DNAH9: variants seen among roughly 807,000 people sequenced by gnomAD.
The protein encoded by DNAH9 is DNAH9 variant protein.
Under a neutral mutation model 471.6 loss-of-function variants are expected in DNAH9, and 345 were observed. That is an observed-to-expected ratio of 0.73 (90% CI 0.67 to 0.80). DNAH9 has a LOEUF of 0.80. Among genes scored for constraint, DNAH9 ranks in the 30% least tolerant of loss-of-function variants. The pLI is 0.00. For synonymous variants in DNAH9, 2,093 were observed against 2,123.6 expected (o/e 0.99, Z 0.40); for missense variants, 5,407 against 5,609.2 (o/e 0.96, Z 1.15).
At chr17:11,716,828 G>A (rs1165093428) in intron 26 of DNAH9, among the ~76,000 whole-genome samples, 1 of 152,190 alleles carries the variant, frequency 6.6e-6, no homozygotes, top group Non-Finnish European at 1.5e-5. Flanking sequence ...GAGGTGAGTT[G>A]TCAGGGATTG....
Position 11,932,025 on chromosome 17 carries a change from G to C in DNAH9, c.12117G>C (p.Glu4039Asp), listed in dbSNP as rs771807905. The C allele has an allele frequency of 6.2e-7, 1 of 1,614,168 alleles. No individual in the cohort carries two copies. The highest frequency in any genetic ancestry group is 8.5e-7 in the Non-Finnish European group (1 of 1,180,014). The change falls in exon 64 of 69, where the codon GAG becomes GAC. Residue 4039 changes from glutamate (E) to aspartate (D), a missense_variant. Glu to Asp is a conservative substitution (Grantham distance 45). Transcript: ENST00000262442. This position sits in a 1 kb window ranked among gnomAD's most constrained non-coding sequence, Gnocchi z 4.3. The stretch of plus-strand genomic sequence containing the variant: ...CACTCTCATTTCAGGACACTCTGGA[G>C]ATGTGTTCTCGGGAGACGGAGTTTA... ...ALDNFTQDTL[E>D]MCSRETEFKS...
At chr17:11,877,073 C>G (rs1555613655) in intron 53 of DNAH9, among the ~76,000 whole-genome samples, 1 of 151,858 alleles carries the variant, frequency 6.6e-6, no homozygotes, top group Non-Finnish European at 1.5e-5. Context: ...GGATGCACAA[C>G]AGTGTACTTA....
chr17:11,862,260 C>T (rs1423822354), intron 50 of DNAH9, among the ~76,000 whole-genome samples: 1 of 125,696 alleles, frequency 8.0e-6, no homozygotes, highest in Non-Finnish European at 1.7e-5. Context: ...TTCCCAGCAC[C>T]ATTTATTAAA....
Position 11,807,784 on chromosome 17 carries a change from G to C in DNAH9, c.8473G>C (p.Gly2825Arg). The change falls in exon 44 of 69, where the codon GGT (glycine) becomes CGT (arginine). Residue 2825 changes from glycine to arginine, a missense_variant. Gly to Arg is a moderately radical substitution (Grantham distance 125). Coordinates refer to ENST00000262442, the MANE Select transcript of DNAH9 (RefSeq NM_001372.4). The stretch of plus-strand genomic sequence containing the variant: ...CCCGCGGGGAAATGCTCTGCTGGTT[G>C]GTGTAGGTGGGAGCGGCAAGCAGAG... ...ESPRGNALLV[G>R]VGGSGKQSLT... The C allele has an allele frequency of 6.2e-7, 1 of 1,613,912 alleles. No homozygotes were observed. The highest frequency in any genetic ancestry group is 2.2e-5 in the East Asian group (1 of 44,872).
At chr17:11,809,873 A>T (rs1467007426) in intron 44 of DNAH9, among the ~76,000 whole-genome samples, 6 of 152,154 alleles carry the variant, frequency 3.9e-5, no homozygotes, top group African/African-American at 1.4e-4. Context: ...TAAGACAGAT[A>T]AATGGGGGAC....
intron 35 of DNAH9, among the ~76,000 whole-genome samples, chr17:11,761,783 C>A (rs537204611): frequency 6.6e-6 from 1 of 152,256 alleles, no homozygotes; most frequent in African/African-American, 2.4e-5. Context: ...AAAGCAGCTA[C>A]CTTCCCTGTG....
chr17:11,647,553 T>A (rs1326830829), intron 12 of DNAH9, among the ~76,000 whole-genome samples: 2 of 152,212 alleles, frequency 1.3e-5, no homozygotes, highest in Non-Finnish European at 2.9e-5. Context: ...GCTTCAATTT[T>A]GCACAACAGG....
At chr17:11,807,672 C>T in intron 43 of DNAH9, 60 bp from the exon 44 acceptor site, 3 of 1,545,418 alleles carry the variant, frequency 1.9e-6, no homozygotes, top group Non-Finnish European at 2.6e-6. Context: ...AGCCTTTATA[C>T]ATGCTTCTGA....
At chr17:11,697,912 A>G (rs1286676937) in intron 22 of DNAH9, among the ~76,000 whole-genome samples, 3 of 151,494 alleles carry the variant, frequency 2.0e-5, no homozygotes, top group African/African-American at 4.8e-5. Flanking sequence ...TATAGACTTC[A>G]TGTTTCTTTA....
At chr17:11,641,678 G>A (rs1455127694) in intron 10 of DNAH9, among the ~76,000 whole-genome samples, 2 of 152,088 alleles carry the variant, frequency 1.3e-5, no homozygotes, top group African/African-American at 4.8e-5. Flanking sequence ...TCACGCAGCA[G>A]AAGGCAGAAG....
At chr17:11,897,924 A>G (rs1973269815) in intron 59 of DNAH9, among the ~76,000 whole-genome samples, 1 of 152,172 alleles carries the variant, frequency 6.6e-6, no homozygotes, top group South Asian at 2.1e-4. Context: ...GCTGAAATTA[A>G]GGTGTCAGCA....
At chr17:11,635,678 C>A (rs1206038211) in intron 8 of DNAH9, among the ~76,000 whole-genome samples, 1 of 152,046 alleles carries the variant, frequency 6.6e-6, no homozygotes, top group Non-Finnish European at 1.5e-5. Flanking sequence ...TCCTACATGG[C>A]CTCATCTCAG....
At chr17:11,764,608 A>ATTTG (rs950225291) in intron 36 of DNAH9, among the ~76,000 whole-genome samples, 1 of 152,048 alleles carries the variant, frequency 6.6e-6, no homozygotes, top group African/African-American at 2.4e-5. Flanking sequence ...CATGTAAGTG[A>ATTTG]TATCATGTCA....
At chr17:11,792,099 A>G (rs969807307) in intron 41 of DNAH9, among the ~76,000 whole-genome samples, 3 of 151,920 alleles carry the variant, frequency 2.0e-5, no homozygotes, top group Admixed American at 6.6e-5. Context: ...CTGACCAACA[A>G]TGAGAAACCC....
chr17:11,947,443 C>T (rs925410810), intron 67 of DNAH9, among the ~76,000 whole-genome samples: 2 of 152,172 alleles, frequency 1.3e-5, no homozygotes, highest in African/African-American at 4.8e-5. Context: ...CAGGTGCCTA[C>T]TGAGCCTTGA....
intron 1 of DNAH9, among the ~76,000 whole-genome samples, chr17:11,603,043 A>C (rs555223241): frequency 1.2e-4 from 18 of 152,248 alleles, no homozygotes; most frequent in Middle Eastern, 3.4e-3. Flanking sequence ...CTCCTGATGT[A>C]CTGGCCTCTA....
At chr17:11,884,509 C>G in intron 56 of DNAH9, 1 of 454,500 alleles carries the variant, frequency 2.2e-6, no homozygotes, top group South Asian at 1.6e-5. Context: ...AACAATATAC[C>G]TTTGACGGAA....
intron 26 of DNAH9, among the ~76,000 whole-genome samples, chr17:11,718,193 C>G (rs1210106192): frequency 6.6e-6 from 1 of 152,184 alleles, no homozygotes; most frequent in African/African-American, 2.4e-5. Flanking sequence ...CATACAAACT[C>G]CCGTATCTGG....
rs1432843363 is a variant in DNAH9 at position 11,820,445 on chromosome 17, C to G, written c.8708-1475C>G. Among the ~76,000 whole-genome samples the G allele has an allele frequency of 2.6e-5, 4 of 152,082 alleles. No individual in the cohort carries two copies. In the East Asian group the frequency reaches 7.7e-4, roughly 29 times the overall value. ...AAGGTGTAGTTTTAATATACATTTTCATTAAGAGTAAGATTGACTGTCCTT... is the reference window on the plus strand; with the variant it reads ...AAGGTGTAGTTTTAATATACATTTTGATTAAGAGTAAGATTGACTGTCCTT... On this transcript the variant is annotated intron_variant, in intron 45 of 68. Coordinates refer to ENST00000262442, the MANE Select transcript of DNAH9 (RefSeq NM_001372.4).
Sources: allele counts gnomAD v4.1 joint callset (sites outside exome capture counted in the v4.1 genomes callset), GRCh38; gene constraint gnomAD v4.1.1; non-coding constraint Gnocchi (gnomAD v3.1); transcripts MANE v1.5; gene names NCBI Gene and HGNC (gene_info 2026-07-23, HGNC 2026-07-21).